The following NPM1 variants were observed in gnomAD, a reference collection of about 807,000 sequenced individuals.
NPM1 encodes nucleophosmin.
A neutral mutation model predicts 44.1 loss-of-function variants in NPM1; 1 was observed. The observed-to-expected ratio is 0.02, with a 90% CI of 0.01 to 0.11. The LOEUF (loss-of-function observed/expected upper bound fraction) is 0.11, where lower values mean the gene tolerates loss of function less well. Ranked by LOEUF, NPM1 falls within the 10% of genes least tolerant of loss-of-function variation. The probability of loss-of-function intolerance (pLI) is 1.00; values close to 1 mark genes in which losing one functional copy is unlikely to be tolerated. For synonymous variants in NPM1, 126 were observed against 111.8 expected (o/e 1.13, Z -0.80); for missense variants, 197 against 347.8 (o/e 0.57, Z 3.45).
intron 6 of NPM1, among the ~76,000 whole-genome samples, chr5:171,397,926 A>ATTAC (rs1770995340): frequency 7.6e-6 from 1 of 130,870 alleles, no homozygotes; most frequent in South Asian, 2.7e-4. Context: ...AGTAGTTGGG[A>ATTAC]TTACAGGCAC....
At chr5:171,393,115 C>A in intron 6 of NPM1, 137 bp downstream of exon 6, 2 of 1,135,804 alleles carry the variant, frequency 1.8e-6, no homozygotes, top group Non-Finnish European at 2.4e-6. Flanking sequence ...AATAAAAGGG[C>A]AGGTGGTCAT....
intron 8 of NPM1, among the ~76,000 whole-genome samples, chr5:171,404,379 C>T (rs1370091620): frequency 1.4e-5 from 1 of 73,816 alleles, no homozygotes; most frequent in Non-Finnish European, 2.7e-5. Flanking sequence ...ACTTCTCAGA[C>T]GGGGTGGTTG....
rs568679648 is a variant in NPM1 at position 171,392,726 on chromosome 5, A to T, written c.369A>T (p.Ala123=). The T allele has an allele frequency of 2.9e-5, 46 of 1,610,554 alleles. 2 individuals carry two copies. The South Asian group carries it at 4.7e-4, about 17-fold the overall frequency. The change falls in exon 5 of 11, where the codon GCA becomes GCT. Residue 123 remains alanine, a synonymous_variant. Coordinates refer to ENST00000296930, the MANE Select transcript of NPM1 (RefSeq NM_002520.7). The part of the protein sequence containing the change: ...GQHLVAVEED[A]ESEDEEEEDV... ...GTATTTTAGCTGTGGAGGAAGATGC[A>T]GAGTCAGAAGATGAAGAGGAGGAGG... is the stretch of plus-strand genomic sequence containing the variant.
chr5:171,406,740 G>C, intron 9 of NPM1: 1 of 1,118,018 alleles, frequency 8.9e-7, no homozygotes, highest in Non-Finnish European at 1.1e-6. Context: ...AAGAATGTAT[G>C]TGACAATAAT....
At chr5:171,387,442 T>C (rs1271369154), upstream of NPM1, among the ~76,000 whole-genome samples, 1 of 152,310 alleles carries the variant, frequency 6.6e-6, no homozygotes, top group East Asian at 1.9e-4. Context: ...CTCTGGCTCA[T>C]TCGCAGCCGG....
At chr5:171,399,549 A>C (rs1392899668) in intron 6 of NPM1, among the ~76,000 whole-genome samples, 1 of 152,192 alleles carries the variant, frequency 6.6e-6, no homozygotes, top group Non-Finnish European at 1.5e-5. Context: ...GGGTTTGTTT[A>C]TAAATTTTAG....
At chr5:171,400,243 C>A (rs1054861718) in intron 7 of NPM1, 33 bp downstream of exon 7, 5 of 1,612,228 alleles carry the variant, frequency 3.1e-6, no homozygotes, top group Non-Finnish European at 4.2e-6. Context: ...GGTTGTTAAA[C>A]TAACAATAGA....
rs770452718 is a variant in NPM1, at chr5:171,400,170, TTGA to T, written c.549_551del (p.Asp183del). On this transcript the variant is annotated inframe_deletion, in exon 7 of 11. Transcript: ENST00000296930. ...ATTTGTAGTGATGATGATGATGATT[TTGA>T]TGATGAGGAAGCTGAAGAAAAAGCG... 15 of 1,595,382 alleles carry T rather than the reference TTGA, an allele frequency of 9.4e-6. No individual in the cohort carries two copies. The highest frequency in any genetic ancestry group is 5.4e-5 in the African/African-American group (4 of 74,552).
intron 1 of NPM1, 73 bp from the exon 2 acceptor site, chr5:171,389,977 CT>C (rs1770489126): frequency 1.7e-5 from 15 of 875,094 alleles, no homozygotes; most frequent in Admixed American, 7.0e-5. Context: ...TAGACCTGAC[CT>C]TTTTGGTTAC....
At chr5:171,401,677 G>A (rs969462524) in intron 8 of NPM1, among the ~76,000 whole-genome samples, 1 of 152,182 alleles carries the variant, frequency 6.6e-6, no homozygotes, top group South Asian at 2.1e-4. Context: ...CCTGACTGCA[G>A]GTGATCCGCC....
rs1471411881 is a variant in NPM1 at position 171,404,221 on chromosome 5, C to T, written c.670-1081C>T. ...CTCCCTCCCAGATAGGGCGGCTGGC[C>T]GGGCGGGGGGTTGACCCCCCCCCAC... On this transcript the variant is annotated intron_variant, in intron 8 of 10. Transcript: ENST00000296930. 2.4e-4 allele frequency among the ~76,000 whole-genome samples: 25 copies of T among 105,158 alleles called. 7 individuals are homozygous for T. The highest frequency in any genetic ancestry group is 4.2e-4 in the Non-Finnish European group (21 of 50,486). The allele number at this position is 105,158 out of a possible 152,430, so 69.0% of individuals were successfully genotyped here. A position where few individuals can be genotyped will look rare whatever the true frequency, so the allele number is the denominator to read the frequency against.
intron 9 of NPM1, 198 bp downstream of exon 9, chr5:171,405,601 T>G (rs1347339684): frequency 3.5e-6 from 2 of 572,650 alleles, no homozygotes; most frequent in Non-Finnish European, 6.2e-6. Context: ...TATGCAAAAT[T>G]AAATATGCCT....
At chr5:171,407,656 G>T (rs772993901) in intron 9 of NPM1, 44 bp from the exon 10 acceptor site, 1 of 1,063,866 alleles carries the variant, frequency 9.4e-7, no homozygotes, top group Non-Finnish European at 1.5e-6. Flanking sequence ...ATCTCTCTCG[G>T]TGTATTTCTC....
chr5:171,389,245 C>T (rs964380677), intron 1 of NPM1, among the ~76,000 whole-genome samples: 3 of 152,122 alleles, frequency 2.0e-5, no homozygotes, highest in Non-Finnish European at 4.4e-5. Context: ...TGTTCATTAT[C>T]CGTGCTGAGA....
chr5:171,391,621 T>G (rs1050474807), intron 3 of NPM1, 85 bp from the exon 4 acceptor site: 2 of 1,147,250 alleles, frequency 1.7e-6, no homozygotes, highest in Non-Finnish European at 2.6e-6. Flanking sequence ...TTCACTGGTT[T>G]GTTGATTTGG....
At chr5:171,408,460 C>T (rs1771675118) in intron 10 of NPM1, among the ~76,000 whole-genome samples, 2 of 152,098 alleles carry the variant, frequency 1.3e-5, no homozygotes, top group Admixed American at 1.3e-4. Context: ...CAGCTTTTTT[C>T]AAAAAATTAG....
At chr5:171,395,523 C>T (rs1400395970) in intron 6 of NPM1, among the ~76,000 whole-genome samples, 1 of 152,116 alleles carries the variant, frequency 6.6e-6, no homozygotes, top group Admixed American at 6.6e-5. Context: ...TGGTCTCGAA[C>T]TCCAAAGTGC....
intron 4 of NPM1, among the ~76,000 whole-genome samples, chr5:171,392,080 C>T (rs2113174517): frequency 6.6e-6 from 1 of 152,216 alleles, no homozygotes; most frequent in Non-Finnish European, 1.5e-5. Context: ...GCTGGGGCCA[C>T]AGACGTGCAC....
At chr5:171,393,999 G>A (rs1001032020) in intron 6 of NPM1, among the ~76,000 whole-genome samples, 7 of 149,860 alleles carry the variant, frequency 4.7e-5, no homozygotes, top group Admixed American at 1.3e-4. Context: ...ATAAATGAAC[G>A]CAAACTTAAA....
Sources: allele counts gnomAD v4.1 joint callset (sites outside exome capture counted in the v4.1 genomes callset), GRCh38; gene constraint gnomAD v4.1.1; transcripts MANE v1.5; gene names NCBI Gene and HGNC (gene_info 2026-07-23, HGNC 2026-07-21).